The following PPP1R9A variants were observed in gnomAD, a reference collection of about 807,000 sequenced individuals.
The protein encoded by PPP1R9A is neurabin-1.
In PPP1R9A, 59 loss-of-function variants were observed where a neutral mutation model predicts 141.9. That is an observed-to-expected ratio of 0.42 (90% CI 0.34 to 0.52). The LOEUF (loss-of-function observed/expected upper bound fraction) is 0.52. PPP1R9A is among the 20% of genes least tolerant of loss of function. The pLI is 0.10. For missense variants in PPP1R9A, 1,444 were observed against 1,611.9 expected (o/e 0.90, Z 1.78); for synonymous variants, 500 against 569.7 (o/e 0.88, Z 1.74).
chr7:95,033,689 T>G (rs1457103105), intron 2 of PPP1R9A, among the ~76,000 whole-genome samples: 1 of 152,164 alleles, frequency 6.6e-6, no homozygotes, highest in African/African-American at 2.4e-5. Context: ...TTGATTTTTG[T>G]GTGTGTCAGA....
At chr7:95,215,852 T>A (rs936996710) in intron 7 of PPP1R9A, among the ~76,000 whole-genome samples, 4 of 152,146 alleles carry the variant, frequency 2.6e-5, no homozygotes, top group African/African-American at 7.2e-5. Flanking sequence ...GTTTCAGTTC[T>A]TTGTAGATTC....
intron 12 of PPP1R9A, among the ~76,000 whole-genome samples, chr7:95,267,491 G>A (rs1801477045): frequency 6.6e-6 from 1 of 152,076 alleles, no homozygotes; most frequent in African/African-American, 2.4e-5. Flanking sequence ...CCACCAGAGA[G>A]TACTTTTCCT....
At chr7:94,997,699 G>T (rs548863419) in intron 2 of PPP1R9A, among the ~76,000 whole-genome samples, 1 of 152,266 alleles carries the variant, frequency 6.6e-6, no homozygotes, top group East Asian at 1.9e-4. Context: ...GTGTAACTTA[G>T]TAGTTAGCTA....
chr7:95,120,276 C>T (rs1465445704), intron 3 of PPP1R9A, among the ~76,000 whole-genome samples: 3 of 151,868 alleles, frequency 2.0e-5, no homozygotes, highest in Non-Finnish European at 2.9e-5. Context: ...ATCTTATTAA[C>T]ATGAATAAAC....
chr7:95,061,731 T>A (rs1006998838), intron 2 of PPP1R9A, among the ~76,000 whole-genome samples: 5 of 152,150 alleles, frequency 3.3e-5, no homozygotes, highest in Non-Finnish European at 7.3e-5. Flanking sequence ...TGAGACCCTG[T>A]GTCGAATGAA....
chr7:94,933,082 C>CAT (rs1260597270), intron 2 of PPP1R9A, among the ~76,000 whole-genome samples: 7 of 151,576 alleles, frequency 4.6e-5, no homozygotes, highest in Admixed American at 6.6e-5. Context: ...ATATATATGA[C>CAT]ATATATATAC....
chr7:95,263,335 C>A (rs1287972294), intron 12 of PPP1R9A, among the ~76,000 whole-genome samples: 2 of 151,972 alleles, frequency 1.3e-5, no homozygotes, highest in African/African-American at 2.4e-5. Flanking sequence ...GATTAAAGTA[C>A]CCTTTGACCA....
At chr7:95,206,672 T>G (rs1298270909) in intron 7 of PPP1R9A, among the ~76,000 whole-genome samples, 1 of 152,178 alleles carries the variant, frequency 6.6e-6, no homozygotes, top group Non-Finnish European at 1.5e-5. Context: ...AGAATGTAAT[T>G]AGAATAAAAG....
At chr7:94,934,945 A>C (rs1205133531) in intron 2 of PPP1R9A, among the ~76,000 whole-genome samples, 1 of 151,990 alleles carries the variant, frequency 6.6e-6, no homozygotes, top group African/African-American at 2.4e-5. Flanking sequence ...TGAAGCTTCA[A>C]ACTCCTGGGC....
intron 2 of PPP1R9A, among the ~76,000 whole-genome samples, chr7:94,940,545 G>A (rs371857909): frequency 2.0e-5 from 3 of 151,838 alleles, no homozygotes; most frequent in East Asian, 1.9e-4. Flanking sequence ...AATATTATAT[G>A]TTTGTATAAT....
chr7:95,223,916 A>G (rs2152949247), intron 7 of PPP1R9A, among the ~76,000 whole-genome samples: 1 of 152,078 alleles, frequency 6.6e-6, no homozygotes, highest in Non-Finnish European at 1.5e-5. Flanking sequence ...CTGCATTCCT[A>G]TTAATTAACT....
intron 2 of PPP1R9A, among the ~76,000 whole-genome samples, chr7:95,058,796 CT>C (rs112212327): frequency 8.1e-4 from 118 of 145,722 alleles, no homozygotes; most frequent in African/African-American, 1.9e-3. Flanking sequence ...CTTTTCTTTT[CT>C]TTTTTTTTTT....
chr7:95,170,962 T>C (rs1214743047), intron 5 of PPP1R9A, among the ~76,000 whole-genome samples: 1 of 151,584 alleles, frequency 6.6e-6, no homozygotes. Flanking sequence ...AAGTATACTT[T>C]TGTAAGGTGA....
chr7:95,137,934 C>CTTTTTTTT (rs1041692626), intron 4 of PPP1R9A, among the ~76,000 whole-genome samples: 5 of 134,520 alleles, frequency 3.7e-5, no homozygotes, highest in Non-Finnish European at 3.2e-5. Context: ...TTCTTTTTTT[C>CTTTTTTTT]TTTTTTTTTT....
chr7:95,071,336 C>T (rs938287812), intron 2 of PPP1R9A, among the ~76,000 whole-genome samples: 1 of 151,938 alleles, frequency 6.6e-6, no homozygotes, highest in Admixed American at 6.6e-5. Context: ...AACTAGGAAA[C>T]AAGCTCACTA....
chr7:95,147,116 C>T (rs1827771309), intron 4 of PPP1R9A, among the ~76,000 whole-genome samples: 1 of 152,146 alleles, frequency 6.6e-6, no homozygotes, highest in Admixed American at 6.5e-5. Flanking sequence ...ATTGATTCTT[C>T]CTATCCATGA....
At chr7:95,031,171 G>A (rs1211466042) in intron 2 of PPP1R9A, among the ~76,000 whole-genome samples, 1 of 152,146 alleles carries the variant, frequency 6.6e-6, no homozygotes, top group Non-Finnish European at 1.5e-5. Context: ...ATGGAAACTT[G>A]TTCTTCCTTT....
intron 7 of PPP1R9A, among the ~76,000 whole-genome samples, chr7:95,224,771 A>G (rs1425486759): frequency 6.6e-6 from 1 of 152,028 alleles, no homozygotes; most frequent in Admixed American, 6.6e-5. Context: ...CAGAATCAAA[A>G]GAAAAAAAAA....
intron 2 of PPP1R9A, among the ~76,000 whole-genome samples, chr7:94,987,039 C>T (rs73726027): frequency 0.012 from 1,837 of 152,228 alleles, 35 homozygotes; most frequent in African/African-American, 0.04. Context: ...CATGAACTAT[C>T]CAGTTCCTTG....
Sources: gnomAD v4.1 joint callset for allele counts (sites outside exome capture counted in the v4.1 genomes callset) on GRCh38, gnomAD v4.1.1 for gene constraint, MANE v1.5 for transcripts, NCBI Gene and HGNC (gene_info 2026-07-23, HGNC 2026-07-21) for gene names.